The following LIPC variants were observed in gnomAD, a reference collection of about 807,000 sequenced individuals.
LIPC encodes hepatic triacylglycerol lipase.
A neutral mutation model predicts 50.7 loss-of-function variants in LIPC; 44 were observed. The observed-to-expected ratio is 0.87, with a 90% CI of 0.68 to 1.11. The LOEUF is 1.11. LIPC is among the 50% of genes most tolerant of loss of function. The pLI is 0.00. For missense variants in LIPC, 697 were observed against 648.2 expected (o/e 1.08, Z -0.82); for synonymous variants, 271 against 256.4 (o/e 1.06, Z -0.54).
chr15:58,565,430 G>T (rs548624310), intron 8 of LIPC: 2 of 1,430,412 alleles, frequency 1.4e-6, no homozygotes, highest in Non-Finnish European at 1.8e-6. Flanking sequence ...CATGTGGTAC[G>T]GAAGAAGAAA....
intron 1 of LIPC, among the ~76,000 whole-genome samples, chr15:58,451,742 G>C (rs1893906506): frequency 6.6e-6 from 1 of 152,212 alleles, no homozygotes; most frequent in African/African-American, 2.4e-5. Context: ...AGGACTGGCT[G>C]TGAGGCACGA....
At chr15:58,457,552 C>T (rs557228307) in intron 1 of LIPC, among the ~76,000 whole-genome samples, 1 of 152,380 alleles carries the variant, frequency 6.6e-6, no homozygotes, top group East Asian at 1.9e-4. Flanking sequence ...CCCACATCCC[C>T]TCAGCATGTA....
intron 1 of LIPC, among the ~76,000 whole-genome samples, chr15:58,471,132 CTCTT>C (rs1894779551): frequency 1.5e-5 from 2 of 135,736 alleles, no homozygotes; most frequent in African/African-American, 5.5e-5. Flanking sequence ...TTTTTCTTTT[CTCTT>C]TTTTTTTTTT....
intron 1 of LIPC, among the ~76,000 whole-genome samples, chr15:58,474,353 C>G (rs1312163118): frequency 6.6e-6 from 1 of 151,852 alleles, no homozygotes; most frequent in African/African-American, 2.4e-5. Context: ...CCCATCTCCA[C>G]AAAAAAATAC....
At chr15:58,441,561 A>G (rs2140644158) in intron 1 of LIPC, among the ~76,000 whole-genome samples, 1 of 152,292 alleles carries the variant, frequency 6.6e-6, no homozygotes, top group South Asian at 2.1e-4. Context: ...CACAGCTGAC[A>G]TCAATTGCAA....
intron 1 of LIPC, among the ~76,000 whole-genome samples, chr15:58,450,558 T>C (rs1332760367): frequency 1.3e-5 from 2 of 152,232 alleles, no homozygotes; most frequent in Non-Finnish European, 2.9e-5. Flanking sequence ...TAAATCTTTT[T>C]GTAGGAAATC....
At chr15:58,538,540 T>A in intron 2 of LIPC, 23 bp downstream of exon 2, 1 of 1,609,608 alleles carries the variant, frequency 6.2e-7, no homozygotes, top group South Asian at 1.1e-5. Context: ...GACATGCCGT[T>A]TTTCTCTCCG....
chr15:58,451,510 C>T (rs8041059), intron 1 of LIPC, among the ~76,000 whole-genome samples: 62,343 of 151,946 alleles, frequency 0.41, 14,417 homozygotes, highest in Non-Finnish European at 0.53. Context: ...AGAGAGACCA[C>T]ACTTCATCAC....
chr15:58,567,616 C>A lies in LIPC; in HGVS notation c.1389-1100C>A, dbSNP rs956541922. On this transcript the variant is annotated intron_variant, in intron 8 of 8. Coordinates refer to ENST00000299022, the MANE Select transcript of LIPC (RefSeq NM_000236.3). Reference sequence around the variant, plus strand: ...GTAAATAGTAAACTCTTGAGAAAATCTTAATGTCTAACAGTAGGAAAATGC... The same window carrying A: ...GTAAATAGTAAACTCTTGAGAAAATATTAATGTCTAACAGTAGGAAAATGC... 1.2e-4 allele frequency among the ~76,000 whole-genome samples: 18 copies of A among 151,834 alleles called. No homozygotes were observed. In the East Asian group the frequency reaches 2.7e-3, roughly 23 times the overall value.
rs569871843 is a variant in LIPC, at chr15:58,466,270, G to A, written c.88+34150G>A. Among the ~76,000 whole-genome samples the A allele has an allele frequency of 1.1e-4, 17 of 152,310 alleles. No homozygotes were observed. In the South Asian group the frequency reaches 1.9e-3, roughly 17 times the overall value. The stretch of plus-strand genomic sequence containing the variant: ...TGGTGGTGTGATTAGAACTCCTAGC[G>A]GGTGACTCATAGAGAGTGATTAGAA... On this transcript the variant is annotated intron_variant, in intron 1 of 8. Transcript: ENST00000299022.
At chr15:58,510,183 G>A (rs1243312372) in intron 1 of LIPC, among the ~76,000 whole-genome samples, 2 of 152,172 alleles carry the variant, frequency 1.3e-5, no homozygotes, top group Non-Finnish European at 2.9e-5. Flanking sequence ...TCCCTGGTAT[G>A]GGAAACAGAT....
At chr15:58,492,654 C>T (rs1891624956) in intron 1 of LIPC, among the ~76,000 whole-genome samples, 1 of 152,160 alleles carries the variant, frequency 6.6e-6, no homozygotes, top group Non-Finnish European at 1.5e-5. Flanking sequence ...GCCAATCAAG[C>T]CAGTGGTAGA....
chr15:58,465,102 C>T (rs1894501553), intron 1 of LIPC, among the ~76,000 whole-genome samples: 1 of 152,178 alleles, frequency 6.6e-6, no homozygotes, highest in Non-Finnish European at 1.5e-5. Context: ...TCACTGCTAC[C>T]TTACTTTTCT....
intron 1 of LIPC, among the ~76,000 whole-genome samples, chr15:58,447,435 G>A (rs1893738463): frequency 6.6e-6 from 1 of 152,210 alleles, no homozygotes; most frequent in African/African-American, 2.4e-5. Context: ...GAAGTTGGCT[G>A]TGTTCCCATT....
At chr15:58,480,356 G>A (rs927139912) in intron 1 of LIPC, among the ~76,000 whole-genome samples, 6 of 152,128 alleles carry the variant, frequency 3.9e-5, no homozygotes, top group African/African-American at 1.2e-4. Context: ...GAGCAGCGGC[G>A]CAATCTCGGC....
intron 1 of LIPC, among the ~76,000 whole-genome samples, chr15:58,519,095 T>C (rs1450283655): frequency 2.6e-5 from 4 of 152,042 alleles, no homozygotes; most frequent in African/African-American, 9.7e-5. Context: ...CAATAAGTAT[T>C]TGCATCATTA....
chr15:58,522,943 C>T (rs1892698495), intron 1 of LIPC: 1 of 152,310 alleles, frequency 6.6e-6, no homozygotes, highest in Non-Finnish European at 1.5e-5. Context: ...ACTTTTGACA[C>T]ATCTAAAATA....
Position 58,538,516 on chromosome 15 carries a change from C to A in LIPC, c.272C>A (p.Ser91Ter). 2.5e-6 allele frequency: 4 copies of A among 1,613,790 alleles called. No homozygotes were observed. The highest frequency in any genetic ancestry group is 3.4e-6 in the Non-Finnish European group (4 of 1,179,808). Reference protein sequence around the residue: ...LPLVMIIHGWSVDGVLENWIW... With the variant: ...LPLVMIIHGW ...CTGGTGATGATAATCCACGGGTGGTCGGTAGGAAATGCTGACATGCCGTTT... is the reference window on the plus strand; with the variant it reads ...CTGGTGATGATAATCCACGGGTGGTAGGTAGGAAATGCTGACATGCCGTTT... The change falls in exon 2 of 9, where the codon TCG becomes TAG. Residue 91 changes from serine (S) to a stop codon, truncating the protein, a stop_gained and splice_region_variant. Coordinates refer to ENST00000299022, the MANE Select transcript of LIPC (RefSeq NM_000236.3). LOFTEE classifies it high-confidence loss of function.
chr15:58,487,005 G>A (rs538663475), intron 1 of LIPC, among the ~76,000 whole-genome samples: 25 of 152,164 alleles, frequency 1.6e-4, no homozygotes, highest in Non-Finnish European at 3.2e-4. Flanking sequence ...TCCCTCCTGC[G>A]TGTGTACCTC....
Sources: gnomAD v4.1 joint callset for allele counts (sites outside exome capture counted in the v4.1 genomes callset) on GRCh38, gnomAD v4.1.1 for gene constraint, MANE v1.5 for transcripts, NCBI Gene and HGNC (gene_info 2026-07-23, HGNC 2026-07-21) for gene names.